The following GRIA1 variants were observed in gnomAD, a reference collection of about 807,000 sequenced individuals.
GRIA1 encodes the protein glutamate receptor 1.
In GRIA1, 31 loss-of-function variants were observed where a neutral mutation model predicts 99.2. That is an observed-to-expected ratio of 0.31 (90% CI 0.23 to 0.42). The LOEUF is 0.42. GRIA1 is among the 10% of genes least tolerant of loss of function. The pLI is 1.00. For synonymous variants in GRIA1, 438 were observed against 432.4 expected, an observed-to-expected ratio of 1.01 and a Z score of -0.16; for missense variants, 782 against 1,157.5, an observed-to-expected ratio of 0.68 and a Z score of 4.71.
At chr5:153,659,798 A>G (rs1422938457) in intron 5 of GRIA1, among the ~76,000 whole-genome samples, 1 of 152,226 alleles carries the variant, frequency 6.6e-6, no homozygotes, top group East Asian at 1.9e-4. Flanking sequence ...ATAGAGAACT[A>G]GAAGATTGGG....
At chr5:153,716,440 G>A (rs1759672507) in intron 11 of GRIA1, among the ~76,000 whole-genome samples, 2 of 152,026 alleles carry the variant, frequency 1.3e-5, no homozygotes, top group Non-Finnish European at 2.9e-5. Flanking sequence ...TTCCTTTATA[G>A]GATTCCCTAA....
At chr5:153,498,027 G>A (rs1754613090) in intron 2 of GRIA1, among the ~76,000 whole-genome samples, 1 of 152,130 alleles carries the variant, frequency 6.6e-6, no homozygotes. Context: ...ACCAAATATA[G>A]CCATCCACAA....
intron 11 of GRIA1, among the ~76,000 whole-genome samples, chr5:153,736,931 T>C (rs1053305957): frequency 3.9e-5 from 6 of 152,184 alleles, no homozygotes; most frequent in African/African-American, 9.7e-5. Context: ...CAAACTAAGA[T>C]AGATCCTGCA....
At chr5:153,723,927 G>A (rs371221938) in intron 11 of GRIA1, among the ~76,000 whole-genome samples, 5 of 152,292 alleles carry the variant, frequency 3.3e-5, no homozygotes, top group Non-Finnish European at 7.3e-5. Flanking sequence ...ATCTGAGAAC[G>A]GGCAGACTGC....
intron 2 of GRIA1, chr5:153,557,836 A>C (rs1378287941): frequency 6.6e-6 from 1 of 152,214 alleles, no homozygotes; most frequent in East Asian, 1.9e-4. Flanking sequence ...AATAGCACGC[A>C]TGGAGCTGTC....
intron 11 of GRIA1, among the ~76,000 whole-genome samples, chr5:153,734,715 G>A (rs1761263853): frequency 6.6e-6 from 1 of 152,176 alleles, no homozygotes; most frequent in African/African-American, 2.4e-5. Context: ...TCAGGGGATA[G>A]GCCAGGGAAG....
intron 11 of GRIA1, among the ~76,000 whole-genome samples, chr5:153,752,692 A>G (rs975929884): frequency 1.3e-5 from 2 of 152,214 alleles, no homozygotes; most frequent in African/African-American, 4.8e-5. Flanking sequence ...CATATAGGAA[A>G]TGCTTGCAAA....
intron 11 of GRIA1, among the ~76,000 whole-genome samples, chr5:153,757,339 G>T (rs548321482): frequency 9.2e-5 from 14 of 152,226 alleles, no homozygotes; most frequent in South Asian, 2.1e-4. Flanking sequence ...GGTCATTGAA[G>T]TTCAAGAGGG....
intron 2 of GRIA1, among the ~76,000 whole-genome samples, chr5:153,578,766 G>C (rs999336497): frequency 6.6e-6 from 1 of 152,092 alleles, no homozygotes; most frequent in African/African-American, 2.4e-5. Context: ...AAATTAGCTG[G>C]GCATGGTGGC....
chr5:153,528,265 T>G (rs1471647763), intron 2 of GRIA1, among the ~76,000 whole-genome samples: 1 of 152,212 alleles, frequency 6.6e-6, no homozygotes, highest in Non-Finnish European at 1.5e-5. Flanking sequence ...TTTATTATTT[T>G]TTCCAGAATA....
chr5:153,598,691 A>G (rs1030024442), intron 2 of GRIA1, among the ~76,000 whole-genome samples: 1 of 152,100 alleles, frequency 6.6e-6, no homozygotes, highest in Admixed American at 6.5e-5. Context: ...TCCTTTCCTT[A>G]TAGCCAATAT....
At chr5:153,710,863 C>A (rs1363214249) in intron 11 of GRIA1, among the ~76,000 whole-genome samples, 3 of 152,150 alleles carry the variant, frequency 2.0e-5, no homozygotes, top group Admixed American at 1.3e-4. Context: ...ATAAAATGAA[C>A]CTGCTGTTGC....
intron 3 of GRIA1, 21 bp downstream of exon 3, chr5:153,647,188 G>A (rs1470121085): frequency 1.9e-6 from 3 of 1,608,966 alleles, no homozygotes; most frequent in Non-Finnish European, 2.6e-6. Flanking sequence ...GGTTAGGGGA[G>A]GGAGACTTTT....
chr5:153,490,826 G>C lies in GRIA1; in HGVS notation c.-63G>C, dbSNP rs1753843217. On this transcript the variant is annotated 5_prime_UTR_variant, in exon 1 of 16. Coordinates refer to ENST00000285900, the MANE Select transcript of GRIA1 (RefSeq NM_000827.4). The stretch of plus-strand genomic sequence containing the variant: ...GAACAGCGAGAAGAATAAAGGGAAA[G>C]GGGGGGAAACACCAAATCTATGATT... The C allele has an allele frequency of 8.6e-7, 1 of 1,167,186 alleles. No individual in the cohort carries two copies. Among genetic ancestry groups the C allele is most frequent in the East Asian group, 2.3e-5 (1 of 42,852 alleles). The allele number at this position is 1,167,186 out of a possible 1,614,324, so 72.3% of individuals were successfully genotyped here. A position where few individuals can be genotyped will look rare whatever the true frequency, so the allele number is the denominator to read the frequency against.
intron 2 of GRIA1, among the ~76,000 whole-genome samples, chr5:153,564,775 G>A (rs76055831): frequency 0.097 from 14,721 of 152,138 alleles, 790 homozygotes; most frequent in South Asian, 0.19. Flanking sequence ...GAATTCCAAA[G>A]GTTGCCATGT....
At chr5:153,797,286 G>C (rs956043884) in intron 14 of GRIA1, among the ~76,000 whole-genome samples, 2 of 152,176 alleles carry the variant, frequency 1.3e-5, no homozygotes, top group African/African-American at 4.8e-5. Context: ...TGTGGTCCAA[G>C]ATAACATGTC....
chr5:153,724,951 A>T (rs1037978566), intron 11 of GRIA1, among the ~76,000 whole-genome samples: 1 of 152,170 alleles, frequency 6.6e-6, no homozygotes, highest in African/African-American at 2.4e-5. Flanking sequence ...ATTGTCAGAT[A>T]CACCAAAGTT....
intron 13 of GRIA1, among the ~76,000 whole-genome samples, chr5:153,774,933 T>G (rs957529454): frequency 6.6e-6 from 1 of 152,220 alleles, no homozygotes; most frequent in African/African-American, 2.4e-5. Flanking sequence ...TCCTTGATTT[T>G]CCATTTGGAC....
intron 2 of GRIA1, among the ~76,000 whole-genome samples, chr5:153,508,832 C>A (rs1008692581): frequency 4.0e-5 from 6 of 149,892 alleles, no homozygotes; most frequent in Admixed American, 6.7e-5. Flanking sequence ...GTCTGTAGGT[C>A]AACCATGATT....
Sources: allele counts gnomAD v4.1 joint callset (sites outside exome capture counted in the v4.1 genomes callset), GRCh38; gene constraint gnomAD v4.1.1; transcripts MANE v1.5; gene names NCBI Gene and HGNC (gene_info 2026-07-23, HGNC 2026-07-21).